SAMMSON: variants seen among roughly 807,000 people sequenced by gnomAD.
SAMMSON encodes the protein survival associated mitochondrial melanoma specific oncogenic non-coding RNA, also known as long intergenic non-protein coding RNA 1212.
Position 70,275,597 on chromosome 3 carries a change from G to A in SAMMSON, n.675-15582G>A, listed in dbSNP as rs1057408362. ...ACTGCACTGCCTAGGTTTAAATCCT[G>A]GCCTTGCCACTCATTAGCTCTGTGA... On this transcript the variant is annotated intron_variant and non_coding_transcript_variant, in intron 6 of 9. Transcript: ENST00000642114. Among the ~76,000 whole-genome samples the A allele has an allele frequency of 2.6e-5, 4 of 152,116 alleles. No individual in the cohort carries two copies. In the South Asian group the frequency reaches 6.2e-4, roughly 24 times the overall value.
At chr3:70,303,481 CAG>C (rs1173574808) in intron 7 of SAMMSON, among the ~76,000 whole-genome samples, 2 of 152,094 alleles carry the variant, frequency 1.3e-5, no homozygotes, top group Non-Finnish European at 2.9e-5. Flanking sequence ...TTAGGCTCAC[CAG>C]AACTAGATTA....
At chr3:70,045,970 T>A (rs2067125793) in intron 3 of SAMMSON, among the ~76,000 whole-genome samples, 1 of 151,966 alleles carries the variant, frequency 6.6e-6, no homozygotes, top group African/African-American at 2.4e-5. Context: ...TGTTCAGAGG[T>A]GATTTATCTT....
chr3:70,337,676 G>A (rs566572049), intron 7 of SAMMSON, among the ~76,000 whole-genome samples: 3 of 151,704 alleles, frequency 2.0e-5, no homozygotes, highest in East Asian at 1.9e-4. Context: ...GGACTTATAC[G>A]CTAACTTAAA....
intron 3 of SAMMSON, among the ~76,000 whole-genome samples, chr3:70,064,179 C>T (rs2067201033): frequency 6.6e-6 from 1 of 152,054 alleles, no homozygotes; most frequent in African/African-American, 2.4e-5. Context: ...GTGAATGAAG[C>T]ACAAAGCTGT....
At chr3:70,115,982 TC>T (rs1414540517) in intron 4 of SAMMSON, among the ~76,000 whole-genome samples, 1 of 151,220 alleles carries the variant, frequency 6.6e-6, no homozygotes. Context: ...CAGGAACACA[TC>T]CCGTAGGTCT....
chr3:70,092,097 G>T (rs2106647927), intron 4 of SAMMSON, among the ~76,000 whole-genome samples: 1 of 152,210 alleles, frequency 6.6e-6, no homozygotes, highest in Middle Eastern at 3.4e-3. Context: ...CCACTGTGCT[G>T]GTTAACTTTG....
chr3:70,198,427 T>A (rs905431818), intron 4 of SAMMSON, among the ~76,000 whole-genome samples: 1 of 152,200 alleles, frequency 6.6e-6, no homozygotes, highest in African/African-American at 2.4e-5. Flanking sequence ...TTTCTTTCAT[T>A]ATTCATATAA....
intron 1 of SAMMSON, among the ~76,000 whole-genome samples, chr3:70,001,685 C>A (rs1010207129): frequency 1.3e-5 from 2 of 152,052 alleles, no homozygotes; most frequent in Non-Finnish European, 2.9e-5. Flanking sequence ...TTGCATACTC[C>A]TTGTGGGATT....
At chr3:70,259,865 T>C (rs546946261) in intron 6 of SAMMSON, among the ~76,000 whole-genome samples, 1 of 152,202 alleles carries the variant, frequency 6.6e-6, no homozygotes, top group South Asian at 2.1e-4. Context: ...CTTACAATCA[T>C]GGTGGAAGGT....
intron 1 of SAMMSON, among the ~76,000 whole-genome samples, chr3:70,000,903 T>G (rs937315005): frequency 1.3e-5 from 2 of 152,216 alleles, no homozygotes; most frequent in Non-Finnish European, 2.9e-5. Flanking sequence ...AGCCCCAGCG[T>G]GATGACCAAA....
At chr3:70,122,630 T>C (rs2067439682) in intron 4 of SAMMSON, among the ~76,000 whole-genome samples, 1 of 100,688 alleles carries the variant, frequency 9.9e-6, no homozygotes, top group Middle Eastern at 5.0e-3. Context: ...AAACAAATAG[T>C]GAAAAAAACA....
chr3:70,194,688 C>A (rs75605242), intron 4 of SAMMSON, among the ~76,000 whole-genome samples: 1,707 of 152,252 alleles, frequency 0.011, 22 homozygotes, highest in Non-Finnish European at 0.018. Flanking sequence ...CTCTAATTGA[C>A]AAGCATTCAA....
At chr3:70,428,046 T>C (rs1263476742) in intron 2 of SAMMSON, among the ~76,000 whole-genome samples, 3 of 152,266 alleles carry the variant, frequency 2.0e-5, no homozygotes, top group East Asian at 1.9e-4. Flanking sequence ...TGGCAAAATA[T>C]GTGAGAAGCC....
chr3:70,068,349 G>A (rs1214914694), intron 3 of SAMMSON: 1 of 152,030 alleles, frequency 6.6e-6, no homozygotes, highest in Non-Finnish European at 1.5e-5. Context: ...CAAGGGAAAC[G>A]AAGATACCGC....
At chr3:70,363,453 A>C (rs979048485) in intron 9 of SAMMSON, among the ~76,000 whole-genome samples, 19 of 151,944 alleles carry the variant, frequency 1.3e-4, no homozygotes, top group African/African-American at 3.9e-4. Flanking sequence ...CACAAAAAAA[A>C]CCCTCTTAAA....
intron 4 of SAMMSON, among the ~76,000 whole-genome samples, chr3:70,246,100 A>G (rs1332820584): frequency 6.6e-6 from 1 of 151,788 alleles, no homozygotes; most frequent in Non-Finnish European, 1.5e-5. Context: ...ACACACCATA[A>G]AAAAAAACCC....
chr3:70,158,935 T>G (rs1343141840), intron 4 of SAMMSON, among the ~76,000 whole-genome samples: 1 of 152,010 alleles, frequency 6.6e-6, no homozygotes, highest in African/African-American at 2.4e-5. Flanking sequence ...TTGTAAAAAT[T>G]TCCTCTATAT....
chr3:70,070,228 A>G (rs992116255), intron 3 of SAMMSON: 5 of 152,070 alleles, frequency 3.3e-5, no homozygotes, highest in African/African-American at 1.2e-4. Context: ...CTCCAAAGTT[A>G]ACGTTTTATA....
In SAMMSON at chr3:70,200,136, G is replaced by T. The variant is rs1473081648; in HGVS notation, n.508-48971G>T. Reference sequence around the variant, plus strand: ...AATTCGTATTCGAAATCCACAAGCTGCTCACCACCTGCAGGGCCACCATTT... The same window carrying T: ...AATTCGTATTCGAAATCCACAAGCTTCTCACCACCTGCAGGGCCACCATTT... On this transcript the variant is annotated intron_variant and non_coding_transcript_variant, in intron 4 of 9. Transcript: ENST00000642114. Among the ~76,000 whole-genome samples, 4 of 152,080 alleles carry T rather than the reference G, an allele frequency of 2.6e-5. No homozygotes were observed. The East Asian group carries it at 7.7e-4, about 29-fold the overall frequency.
Sources: gnomAD v4.1 joint callset for allele counts (sites outside exome capture counted in the v4.1 genomes callset) on GRCh38, gnomAD v4.1.1 for gene constraint, MANE v1.5 for transcripts, NCBI Gene and HGNC (gene_info 2026-07-23, HGNC 2026-07-21) for gene names.